The following SCAPER variants were observed in gnomAD, a reference collection of about 807,000 sequenced individuals.
The protein encoded by SCAPER is S phase cyclin A-associated protein in the endoplasmic reticulum.
In SCAPER, 98 loss-of-function variants were observed where a neutral mutation model predicts 182.2. The observed-to-expected ratio is 0.54, with a 90% CI of 0.46 to 0.64. SCAPER has a LOEUF of 0.64. Among genes scored for constraint, SCAPER ranks in the 30% least tolerant of loss-of-function variants. The pLI is 0.00. For missense variants in SCAPER, 1,432 were observed against 1,690.0 expected (o/e 0.85, Z 2.68); for synonymous variants, 605 against 564.6 (o/e 1.07, Z -1.01).
chr15:76,416,455 T>G (rs2045655880), intron 26 of SCAPER, among the ~76,000 whole-genome samples: 1 of 151,530 alleles, frequency 6.6e-6, no homozygotes, highest in Admixed American at 6.6e-5. Flanking sequence ...CACCACTACA[T>G]TCCAGCCTGG....
At chr15:76,450,548 C>CAT (rs1345249305) in intron 25 of SCAPER, among the ~76,000 whole-genome samples, 2 of 152,064 alleles carry the variant, frequency 1.3e-5, no homozygotes, top group Non-Finnish European at 2.9e-5. Context: ...TTTGTAAAAG[C>CAT]ATATATATAC....
chr15:76,705,683 G>T (rs1374940939), intron 18 of SCAPER, among the ~76,000 whole-genome samples: 2 of 151,810 alleles, frequency 1.3e-5, no homozygotes, highest in Non-Finnish European at 2.9e-5. Context: ...AACAGGAAAT[G>T]TTAAACTTCC....
At chr15:76,790,206 G>C (rs901623868) in intron 8 of SCAPER, among the ~76,000 whole-genome samples, 11 of 148,640 alleles carry the variant, frequency 7.4e-5, no homozygotes, top group African/African-American at 2.7e-4. Context: ...ACTCCAGCCT[G>C]GGAGACAGAG....
rs1342145054 is a variant in SCAPER at position 76,593,179 on chromosome 15, C to A, written c.2712-18895G>T. Reference sequence around the variant, plus strand: ...ACTGAGGCTTGCGTAGGCAATTTTCCCCTCACAGGGTAAACAAAGCCACTG... The same window carrying A: ...ACTGAGGCTTGCGTAGGCAATTTTCACCTCACAGGGTAAACAAAGCCACTG... On this transcript the variant is annotated intron_variant, in intron 22 of 31. Transcript: ENST00000563290. 1.6e-5 allele frequency among the ~76,000 whole-genome samples: 2 copies of A among 121,306 alleles called. 1 individual carries two copies. Among genetic ancestry groups the A allele is most frequent in the Non-Finnish European group, 4.0e-5 (2 of 49,906 alleles). The allele number at this position is 121,306 out of a possible 152,430, so 79.6% of individuals were successfully genotyped here. A position where few individuals can be genotyped will look rare whatever the true frequency, so the allele number is the denominator to read the frequency against.
At chr15:76,779,186 TCAAC>T (rs916397506) in intron 8 of SCAPER, among the ~76,000 whole-genome samples, 3 of 151,512 alleles carry the variant, frequency 2.0e-5, no homozygotes, top group African/African-American at 7.3e-5. Context: ...ATGAATAAGA[TCAAC>T]CAACAGAAAA....
chr15:76,417,287 T>C (rs1596508742), intron 26 of SCAPER, among the ~76,000 whole-genome samples: 1 of 152,152 alleles, frequency 6.6e-6, no homozygotes, highest in Admixed American at 6.5e-5. Flanking sequence ...ATTGAGCACA[T>C]AGTAATTTCA....
intron 23 of SCAPER, among the ~76,000 whole-genome samples, chr15:76,564,717 TCCAA>T (rs1379925235): frequency 1.3e-5 from 2 of 151,884 alleles, no homozygotes; most frequent in African/African-American, 2.4e-5. Context: ...GCTAAGGCAA[TCCAA>T]AATAAAAAGA....
At chr15:76,622,293 A>G (rs1419114510) in intron 21 of SCAPER, among the ~76,000 whole-genome samples, 5 of 152,208 alleles carry the variant, frequency 3.3e-5, no homozygotes, top group African/African-American at 1.2e-4. Context: ...GAGAAAAAAA[A>G]GAGGAAAATG....
chr15:76,700,079 G>T (rs1046507006), intron 20 of SCAPER, among the ~76,000 whole-genome samples: 2 of 152,134 alleles, frequency 1.3e-5, no homozygotes, highest in Non-Finnish European at 2.9e-5. Flanking sequence ...ACCTCGTTTG[G>T]GCATCCAAGT....
intron 23 of SCAPER, among the ~76,000 whole-genome samples, chr15:76,523,775 T>C (rs1029058236): frequency 1.3e-5 from 2 of 152,110 alleles, no homozygotes; most frequent in Non-Finnish European, 1.5e-5. Flanking sequence ...TACTGCAGCA[T>C]GTTTCCATGT....
At chr15:76,633,323 G>A (rs2053306709) in intron 21 of SCAPER, among the ~76,000 whole-genome samples, 2 of 152,160 alleles carry the variant, frequency 1.3e-5, no homozygotes. Context: ...ACCCAGAGGG[G>A]CACCAACCTG....
At chr15:76,671,023 T>C (rs2056975286) in intron 20 of SCAPER, among the ~76,000 whole-genome samples, 1 of 152,150 alleles carries the variant, frequency 6.6e-6, no homozygotes, top group South Asian at 2.1e-4. Context: ...GGTATATTTC[T>C]ATGAAGAAGT....
intron 20 of SCAPER, among the ~76,000 whole-genome samples, chr15:76,678,727 TAAAG>T (rs1439324491): frequency 6.6e-6 from 1 of 151,734 alleles, no homozygotes; most frequent in Non-Finnish European, 1.5e-5. Flanking sequence ...GAGGGAAAAA[TAAAG>T]GAACACTCAC....
intron 22 of SCAPER, among the ~76,000 whole-genome samples, chr15:76,576,365 A>G (rs1406681169): frequency 6.6e-6 from 1 of 152,198 alleles, no homozygotes; most frequent in Non-Finnish European, 1.5e-5. Flanking sequence ...ATCTCTAAAA[A>G]GAAAAAAACC....
chr15:76,631,977 T>A (rs2439983), intron 21 of SCAPER, among the ~76,000 whole-genome samples: 1 of 152,146 alleles, frequency 6.6e-6, no homozygotes, highest in Non-Finnish European at 1.5e-5. Context: ...AGGTTTTGTT[T>A]GTTCCTTTTC....
chr15:76,806,732 C>T (rs976357038), intron 5 of SCAPER, among the ~76,000 whole-genome samples: 4 of 152,062 alleles, frequency 2.6e-5, no homozygotes, highest in Non-Finnish European at 5.9e-5. Context: ...AATGATTTTT[C>T]GTAGTTTCTT....
At chr15:76,377,127 T>G (rs62028382) in intron 28 of SCAPER, among the ~76,000 whole-genome samples, 9,875 of 152,280 alleles carry the variant, frequency 0.065, 358 homozygotes, top group Middle Eastern at 0.11. Flanking sequence ...AGTTTTAAAC[T>G]CATCTCTTGA....
chr15:76,582,804 C>CAGAGAACTCATTTTTGACAATGTCACCA (rs2048357383), intron 22 of SCAPER, among the ~76,000 whole-genome samples: 1 of 152,160 alleles, frequency 6.6e-6, no homozygotes, highest in African/African-American at 2.4e-5. Context: ...CTTACATCTA[C>CAGAGAACTCATTTTTGACAATGTCACCA]AGAGAACTCA....
At chr15:76,501,482 G>A (rs1378542563) in intron 24 of SCAPER, among the ~76,000 whole-genome samples, 1 of 152,160 alleles carries the variant, frequency 6.6e-6, no homozygotes. Flanking sequence ...AAGAAAAGAG[G>A]ACAGGAAGCT....
Sources: allele counts gnomAD v4.1 joint callset (sites outside exome capture counted in the v4.1 genomes callset), GRCh38; gene constraint gnomAD v4.1.1; transcripts MANE v1.5; gene names NCBI Gene and HGNC (gene_info 2026-07-23, HGNC 2026-07-21).